TENM2: variants seen among roughly 807,000 people sequenced by gnomAD.
TENM2 encodes teneurin-2.
Under a neutral mutation model 245.2 loss-of-function variants are expected in TENM2, and 52 were observed. That is an observed-to-expected ratio of 0.21 (90% confidence interval 0.17 to 0.27). The LOEUF (loss-of-function observed/expected upper bound fraction) is 0.27. TENM2 is among the 10% of genes least tolerant of loss of function. TENM2 has a pLI of 1.00. For missense variants in TENM2, 3,046 were observed against 3,666.8 expected (o/e 0.83, Z 4.37); for synonymous variants, 1,363 against 1,438.9 (o/e 0.95, Z 1.19).
At chr5:167,907,277 A>C (rs2151551912) in intron 3 of TENM2, among the ~76,000 whole-genome samples, 1 of 150,402 alleles carries the variant, frequency 6.6e-6, no homozygotes, top group Middle Eastern at 3.4e-3. Flanking sequence ...AAAATAAAAG[A>C]AGCATAGCAA....
rs1461401894 is a variant in TENM2, at chr5:167,817,983, A to T, written c.503-58003A>T. 2.0e-5 allele frequency among the ~76,000 whole-genome samples: 3 copies of T among 152,178 alleles called. No individual in the cohort carries two copies. In the East Asian group the frequency reaches 5.8e-4, roughly 29 times the overall value. On this transcript the variant is annotated intron_variant, in intron 2 of 28. Transcript: ENST00000518659. ...CCCTGTAACTTGGGAGACGGGATGT[A>T]TAGATAAGAAGGATGAAGATTCTAG...
At chr5:167,687,698 A>T (rs770990822) in intron 2 of TENM2, among the ~76,000 whole-genome samples, 5 of 152,218 alleles carry the variant, frequency 3.3e-5, no homozygotes, top group Non-Finnish European at 5.9e-5. Context: ...AGCCAACTTC[A>T]CACTATTTAT....
At chr5:167,984,737 T>C (rs1783107924) in intron 4 of TENM2, among the ~76,000 whole-genome samples, 2 of 152,226 alleles carry the variant, frequency 1.3e-5, no homozygotes, top group Non-Finnish European at 2.9e-5. Context: ...GACAGAACGC[T>C]TAAGCGATCA....
At chr5:168,185,915 C>CATATATATATAT (rs200942772) in intron 13 of TENM2, among the ~76,000 whole-genome samples, 5 of 73,850 alleles carry the variant, frequency 6.8e-5, no homozygotes, top group Non-Finnish European at 1.4e-4. Context: ...ACCAGACTGA[C>CATATATATATAT]ATATATATAT....
At chr5:167,136,519 T>C in the TENM2 span, among the ~76,000 whole-genome samples, 1 of 152,336 alleles carries the variant, frequency 6.6e-6, no homozygotes, top group East Asian at 1.9e-4. Context: ...TCATCCTTTG[T>C]TGCTTATGCA....
intron 2 of TENM2, among the ~76,000 whole-genome samples, chr5:167,495,954 A>G (rs549795832): frequency 6.6e-6 from 1 of 152,218 alleles, no homozygotes; most frequent in South Asian, 2.1e-4. Flanking sequence ...AAGATGTTGC[A>G]AAGTATTACA....
chr5:167,049,475 G>C, the TENM2 span, among the ~76,000 whole-genome samples: 1 of 151,994 alleles, frequency 6.6e-6, no homozygotes, highest in Non-Finnish European at 1.5e-5. Flanking sequence ...TTATTAACTG[G>C]GAGTCCTCTT....
At chr5:167,767,341 G>C (rs1763101978) in intron 2 of TENM2, among the ~76,000 whole-genome samples, 1 of 152,178 alleles carries the variant, frequency 6.6e-6, no homozygotes, top group Non-Finnish European at 1.5e-5. Context: ...AGACATCTTA[G>C]AGTAGTCAGA....
intron 5 of TENM2, among the ~76,000 whole-genome samples, chr5:168,002,452 G>A (rs1210650284): frequency 6.6e-6 from 1 of 152,208 alleles, no homozygotes; most frequent in African/African-American, 2.4e-5. Context: ...CACAGGGAAG[G>A]GTCAGTGGCA....
chr5:167,114,490 G>T, the TENM2 span, among the ~76,000 whole-genome samples: 1 of 152,134 alleles, frequency 6.6e-6, no homozygotes, highest in Non-Finnish European at 1.5e-5. Context: ...TCCTAGAAGA[G>T]ATATCAGTTA....
intron 25 of TENM2, among the ~76,000 whole-genome samples, chr5:168,243,957 T>A (rs1304417776): frequency 6.8e-6 from 1 of 147,372 alleles, no homozygotes; most frequent in Non-Finnish European, 1.5e-5. Context: ...TTTTTTTTTT[T>A]AAGATAGAGT....
At chr5:167,552,912 A>G (rs1238149720) in intron 2 of TENM2, among the ~76,000 whole-genome samples, 5 of 130,260 alleles carry the variant, frequency 3.8e-5, no homozygotes, top group African/African-American at 1.5e-4. Context: ...GTGCAATGGT[A>G]AGTTAATAAT....
the TENM2 span, among the ~76,000 whole-genome samples, chr5:167,149,045 T>A: frequency 6.6e-6 from 1 of 152,116 alleles, no homozygotes; most frequent in Non-Finnish European, 1.5e-5. Flanking sequence ...TACTTTAAGT[T>A]TTAGGGTACA....
At position 168,098,530 on chromosome 5, in the gene TENM2, G is replaced by A. The variant is rs557870315; in HGVS notation, c.1813+403G>A. On this transcript the variant is annotated intron_variant, in intron 9 of 28. Coordinates refer to ENST00000518659, the Ensembl canonical transcript of TENM2. The stretch of plus-strand genomic sequence containing the variant: ...CAGCTACACTCTTAATCTAGGAAGC[G>A]CTATTTATCTTGGTGGAATCGGTTT... Among the ~76,000 whole-genome samples the A allele has an allele frequency of 3.3e-5, 5 of 152,180 alleles. No homozygotes were observed. In the South Asian group the frequency reaches 6.2e-4, roughly 19 times the overall value.
chr5:167,367,490 T>C (rs1389377942), intron 1 of TENM2, among the ~76,000 whole-genome samples: 1 of 152,104 alleles, frequency 6.6e-6, no homozygotes, highest in African/African-American at 2.4e-5. Context: ...AATATCTAAA[T>C]ATGTAAAAAC....
intron 10 of TENM2, among the ~76,000 whole-genome samples, chr5:168,119,879 A>G (rs774030114): frequency 4.6e-5 from 7 of 152,220 alleles, no homozygotes; most frequent in Non-Finnish European, 7.3e-5. Flanking sequence ...ATCCTGTTGG[A>G]TGCCATATGC....
chr5:167,817,645 GA>G (rs201771030), intron 2 of TENM2, among the ~76,000 whole-genome samples: 1 of 151,028 alleles, frequency 6.6e-6, no homozygotes, highest in Non-Finnish European at 1.5e-5. Context: ...ATCACTATCT[GA>G]AAAAAAAATA....
At chr5:167,801,107 AAAATATATATATATATAT>A (rs1405767964) in intron 2 of TENM2, among the ~76,000 whole-genome samples, 5 of 63,756 alleles carry the variant, frequency 7.8e-5, no homozygotes, top group African/African-American at 2.1e-4. Context: ...AAAAAAAAAA[AAAATATATATATATATAT>A]ATATATATAT....
chr5:167,270,968 C>T, the TENM2 span, among the ~76,000 whole-genome samples: 1 of 152,090 alleles, frequency 6.6e-6, no homozygotes, highest in Admixed American at 6.6e-5. Flanking sequence ...TAACTCAAGG[C>T]CTGGTGACTG....
Sources: gnomAD v4.1 joint callset for allele counts (sites outside exome capture counted in the v4.1 genomes callset) on GRCh38, gnomAD v4.1.1 for gene constraint, MANE v1.5 for transcripts, NCBI Gene and HGNC (gene_info 2026-07-23, HGNC 2026-07-21) for gene names.